Variants in CAMTA1 observed in about 807,000 individuals in gnomAD.
CAMTA1 encodes the protein calmodulin-binding transcription activator 1.
Under a neutral mutation model 170.9 loss-of-function variants are expected in CAMTA1, and 27 were observed. That is an observed-to-expected ratio of 0.16 (90% CI 0.12 to 0.22). The LOEUF (loss-of-function observed/expected upper bound fraction) is 0.22. Ranked by LOEUF, CAMTA1 falls within the 10% of genes least tolerant of loss-of-function variation. CAMTA1 has a pLI of 1.00. For synonymous variants in CAMTA1, 833 were observed against 891.5 expected (o/e 0.93, Z 1.17); for missense variants, 1,619 against 2,217.2 (o/e 0.73, Z 5.42).
chr1:7,591,349 T>C (rs2095354036), intron 6 of CAMTA1, among the ~76,000 whole-genome samples: 1 of 152,252 alleles, frequency 6.6e-6, no homozygotes, highest in Admixed American at 6.5e-5. Flanking sequence ...CAGACCATTG[T>C]AATTTATTGG....
intron 3 of CAMTA1, among the ~76,000 whole-genome samples, chr1:6,967,433 C>G (rs749062460): frequency 1.3e-5 from 2 of 152,070 alleles, no homozygotes; most frequent in African/African-American, 2.4e-5. Flanking sequence ...GCTCCCCACC[C>G]GCGAATGTGG....
At chr1:7,208,067 C>T (rs1658084509) in intron 4 of CAMTA1, among the ~76,000 whole-genome samples, 1 of 152,266 alleles carries the variant, frequency 6.6e-6, no homozygotes, top group African/African-American at 2.4e-5. Context: ...ATGCTTGCTC[C>T]TCTTGTGGCC....
At position 7,561,987 on chromosome 1, in the gene CAMTA1, T is replaced by A. The variant is rs1362356001; in HGVS notation, c.511-78413T>A. On this transcript the variant is annotated intron_variant, in intron 6 of 22. Transcript: ENST00000303635. The surrounding 1 kb of genome is among the most constrained non-coding windows in gnomAD (Gnocchi z 5.3). ...TTCCAGGTCAGAAGAGCAAACGCAG[T>A]CTCCAGAGAGATCATGAGGCTTTCT... Among the ~76,000 whole-genome samples, 4 of 152,010 alleles carry A rather than the reference T, an allele frequency of 2.6e-5. No individual in the cohort carries two copies. The highest frequency in any genetic ancestry group is 4.8e-5 in the African/African-American group (2 of 41,376).
chr1:7,556,373 A>G (rs927116337), intron 6 of CAMTA1, among the ~76,000 whole-genome samples: 5 of 152,182 alleles, frequency 3.3e-5, no homozygotes, highest in Admixed American at 6.5e-5. Context: ...CAGGTTCAGC[A>G]AGGCCCCAGA....
At chr1:6,950,891 C>T (rs1421050845) in intron 3 of CAMTA1, among the ~76,000 whole-genome samples, 1 of 152,210 alleles carries the variant, frequency 6.6e-6, no homozygotes, top group Admixed American at 6.5e-5. Context: ...GGGCTGGCCA[C>T]CAGCAGGAGG....
At chr1:7,147,454 A>G (rs1431018741) in intron 4 of CAMTA1, among the ~76,000 whole-genome samples, 2 of 151,318 alleles carry the variant, frequency 1.3e-5, no homozygotes, top group African/African-American at 4.9e-5. Flanking sequence ...CCAAATATAC[A>G]TCATGCACAC....
chr1:7,238,807 C>T (rs1574114497), intron 4 of CAMTA1, among the ~76,000 whole-genome samples: 2 of 152,290 alleles, frequency 1.3e-5, no homozygotes, highest in Middle Eastern at 3.4e-3. Context: ...TGCTTGAACC[C>T]GGGAGGTGCA....
intron 3 of CAMTA1, among the ~76,000 whole-genome samples, chr1:6,909,710 A>G (rs1158183915): frequency 6.6e-6 from 1 of 152,248 alleles, no homozygotes; most frequent in African/African-American, 2.4e-5. Context: ...TGGCCTGGGT[A>G]CATTCAGCTC....
At chr1:6,846,211 G>A (rs1314323808) in intron 3 of CAMTA1, among the ~76,000 whole-genome samples, 2 of 152,138 alleles carry the variant, frequency 1.3e-5, no homozygotes, top group Non-Finnish European at 2.9e-5. Context: ...ATGTATATTT[G>A]GTTTTAAAAT....
At position 6,875,889 on chromosome 1, in the gene CAMTA1, G is replaced by A. The variant is rs114449740; in HGVS notation, c.234+50679G>A. On this transcript the variant is annotated intron_variant, in intron 3 of 22. Coordinates refer to ENST00000303635, the MANE Select transcript of CAMTA1 (RefSeq NM_015215.4). ...GAAAACAAATAGGTCCTTACATTGT[G>A]CACATATGGATCTGTGCTTCTGGAG... is the stretch of plus-strand genomic sequence containing the variant. 1.6e-3 allele frequency among the ~76,000 whole-genome samples: 238 copies of A among 152,342 alleles called. 1 individual carries two copies. Among genetic ancestry groups the A allele is most frequent in the African/African-American group, 5.2e-3 (215 of 41,584 alleles).
chr1:7,588,438 C>T lies in CAMTA1; in HGVS notation c.511-51962C>T, dbSNP rs1181862100. ...GGGCTTCGTAATCACACTACACTAA[C>T]GCCTCTGCAAGCATCGTTTTATCAA... is the stretch of plus-strand genomic sequence containing the variant. On this transcript the variant is annotated intron_variant, in intron 6 of 22. Transcript: ENST00000303635. The surrounding 1 kb of genome is among the most constrained non-coding windows in gnomAD (Gnocchi z 5.8). 1.3e-5 allele frequency among the ~76,000 whole-genome samples: 2 copies of T among 152,214 alleles called. No homozygotes were observed. Among genetic ancestry groups the T allele is most frequent in the Admixed American group, 6.5e-5 (1 of 15,288 alleles).
chr1:7,558,060 C>T (rs2094903847), intron 6 of CAMTA1, among the ~76,000 whole-genome samples: 1 of 152,184 alleles, frequency 6.6e-6, no homozygotes, highest in African/African-American at 2.4e-5. Flanking sequence ...GATAACCAGG[C>T]CTCCTCCTCG....
chr1:7,418,196 CT>C (rs529053707), intron 5 of CAMTA1, among the ~76,000 whole-genome samples: 144 of 152,210 alleles, frequency 9.5e-4, no homozygotes, highest in African/African-American at 3.3e-3. Flanking sequence ...TTCAACACTT[CT>C]TTTTGTTGTT....
chr1:7,624,353 T>C (rs4311910), intron 6 of CAMTA1, among the ~76,000 whole-genome samples: 22,541 of 152,080 alleles, frequency 0.15, 1,884 homozygotes, highest in African/African-American at 0.21. Context: ...CAGTGCAGAA[T>C]TCCAAGGGCC....
At chr1:7,707,135 C>T (rs1227418469) in intron 11 of CAMTA1, among the ~76,000 whole-genome samples, 1 of 152,118 alleles carries the variant, frequency 6.6e-6, no homozygotes, top group Non-Finnish European at 1.5e-5. Flanking sequence ...CTGCCTGCCT[C>T]AGCCTCCCAA....
At chr1:7,416,918 G>T (rs939404083) in intron 5 of CAMTA1, among the ~76,000 whole-genome samples, 1 of 152,158 alleles carries the variant, frequency 6.6e-6, no homozygotes, top group Non-Finnish European at 1.5e-5. Context: ...TGATGATGGT[G>T]ATGTACAGAT....
At chr1:7,399,447 G>A (rs940680420) in intron 5 of CAMTA1, among the ~76,000 whole-genome samples, 72 of 152,224 alleles carry the variant, frequency 4.7e-4, no homozygotes, top group African/African-American at 1.6e-3. Context: ...CCAGCCTCAG[G>A]TATTCCTTTA....
intron 5 of CAMTA1, among the ~76,000 whole-genome samples, chr1:7,261,832 G>T (rs1388263300): frequency 1.3e-5 from 2 of 152,216 alleles, no homozygotes; most frequent in Non-Finnish European, 2.9e-5. Flanking sequence ...GATAGCTTGA[G>T]TTTCAAAATA....
chr1:6,997,113 C>T (rs1021790048), intron 3 of CAMTA1, among the ~76,000 whole-genome samples: 6 of 152,120 alleles, frequency 3.9e-5, no homozygotes, highest in Non-Finnish European at 8.8e-5. Context: ...TGGCATTCAC[C>T]GAAGCTTCCC....
Sources: allele counts gnomAD v4.1 joint callset (sites outside exome capture counted in the v4.1 genomes callset), GRCh38; gene constraint gnomAD v4.1.1; non-coding constraint Gnocchi (gnomAD v3.1); transcripts MANE v1.5; gene names NCBI Gene and HGNC (gene_info 2026-07-23, HGNC 2026-07-21).